Variants in ADGRL2 observed in about 807,000 individuals in gnomAD.
ADGRL2 encodes the protein calcium-independent alpha-latrotoxin receptor 2.
Under a neutral mutation model 157.4 loss-of-function variants are expected in ADGRL2, and 44 were observed. That is an observed-to-expected ratio of 0.28 (90% confidence interval 0.22 to 0.36). ADGRL2 has a LOEUF of 0.36. Ranked by LOEUF, ADGRL2 falls within the 10% of genes least tolerant of loss-of-function variation. ADGRL2 has a pLI of 1.00. For missense variants in ADGRL2, 1,510 were observed against 1,768.9 expected (o/e 0.85, Z 2.63); for synonymous variants, 585 against 624.7 (o/e 0.94, Z 0.95).
At chr1:81,740,101 A>G (rs1557610186) in intron 1 of ADGRL2, among the ~76,000 whole-genome samples, 2 of 152,202 alleles carry the variant, frequency 1.3e-5, no homozygotes, top group Non-Finnish European at 2.9e-5. Context: ...GGCTGAACTC[A>G]CTTGTTAGCC....
At chr1:81,866,340 C>T (rs2093542997) in intron 2 of ADGRL2, among the ~76,000 whole-genome samples, 1 of 152,040 alleles carries the variant, frequency 6.6e-6, no homozygotes, top group South Asian at 2.1e-4. Flanking sequence ...AGTCTTAGTA[C>T]CTGTAAATAC....
chr1:81,490,549 G>A (rs1237604542), intron 2 of ADGRL2, among the ~76,000 whole-genome samples: 1 of 152,180 alleles, frequency 6.6e-6, no homozygotes, highest in East Asian at 1.9e-4. Context: ...GCTTATGACA[G>A]TATTCTCAAC....
intron 1 of ADGRL2, chr1:81,721,607 A>C (rs1361569544): frequency 3.5e-6 from 2 of 576,070 alleles, no homozygotes; most frequent in East Asian, 6.1e-5. Flanking sequence ...AAAATACAAA[A>C]ATTGCTTCTG....
intron 3 of ADGRL2, among the ~76,000 whole-genome samples, chr1:81,586,670 G>A (rs1174602328): frequency 6.6e-6 from 1 of 152,040 alleles, no homozygotes; most frequent in Admixed American, 6.6e-5. Context: ...TTGTATGTAA[G>A]TCTAGATGAG....
At chr1:81,402,863 G>A (rs1329091980) in intron 1 of ADGRL2, among the ~76,000 whole-genome samples, 1 of 152,122 alleles carries the variant, frequency 6.6e-6, no homozygotes. Context: ...GAGTTTTGTT[G>A]ATTAATAAGG....
chr1:81,451,343 G>C (rs556724703), intron 2 of ADGRL2, among the ~76,000 whole-genome samples: 4 of 152,264 alleles, frequency 2.6e-5, no homozygotes, highest in South Asian at 4.1e-4. Context: ...TCAACAGTTA[G>C]ATTGCATTTT....
At chr1:81,457,889 T>C (rs1228058070) in intron 2 of ADGRL2, among the ~76,000 whole-genome samples, 1 of 152,194 alleles carries the variant, frequency 6.6e-6, no homozygotes, top group Non-Finnish European at 1.5e-5. Context: ...ACATGTGTGC[T>C]TCAATTTGCC....
chr1:81,384,631 C>G lies in ADGRL2; in HGVS notation c.-301-60405C>G, dbSNP rs79852029. ...AAATCAGAATGTACTATTTCAGCCA[C>G]TATCACGATAATTTTATACATCATG... is the stretch of plus-strand genomic sequence containing the variant. On this transcript the variant is annotated intron_variant, in intron 1 of 24. Transcript: ENST00000370721. 3.9e-3 allele frequency among the ~76,000 whole-genome samples: 594 copies of G among 152,246 alleles called. 5 individuals carry two copies. The highest frequency in any genetic ancestry group is 0.013 in the African/African-American group (540 of 41,546).
chr1:81,544,095 C>T (rs574033829), intron 2 of ADGRL2, among the ~76,000 whole-genome samples: 1 of 152,074 alleles, frequency 6.6e-6, no homozygotes, highest in East Asian at 1.9e-4. Context: ...ATCTGGCAAC[C>T]CTGATTCCCT....
chr1:81,950,188 G>T lies in ADGRL2; in HGVS notation c.1211-1G>T. 1 of 1,612,288 alleles carries T rather than the reference G, an allele frequency of 6.2e-7. No homozygotes were observed. Among genetic ancestry groups the T allele is most frequent in the Non-Finnish European group, 8.5e-7 (1 of 1,179,066 alleles). The stretch of plus-strand genomic sequence containing the variant: ...TTAATATACTCATCTTTTTTCCATA[G>T]TGCCTACCACAGCTGTGACAATAAC... On this transcript the variant is annotated splice_acceptor_variant, in intron 6 of 23. Transcript: ENST00000686636. LOFTEE classifies it high-confidence loss of function.
At chr1:81,805,037 C>T (rs1318824959) in intron 1 of ADGRL2, among the ~76,000 whole-genome samples, 1 of 152,006 alleles carries the variant, frequency 6.6e-6, no homozygotes, top group Non-Finnish European at 1.5e-5. Context: ...TTTGTGAATT[C>T]TATTTAAATA....
chr1:81,633,459 G>A (rs1226390610), intron 3 of ADGRL2, among the ~76,000 whole-genome samples: 1 of 151,690 alleles, frequency 6.6e-6, no homozygotes, highest in East Asian at 1.9e-4. Context: ...AGCCAGGCAT[G>A]GTGGCACACA....
chr1:81,336,553 T>A (rs1367727799), intron 1 of ADGRL2, among the ~76,000 whole-genome samples: 2 of 152,118 alleles, frequency 1.3e-5, no homozygotes, highest in Non-Finnish European at 2.9e-5. Context: ...GGATCGCCAA[T>A]GTGAAGTGCA....
intron 1 of ADGRL2, among the ~76,000 whole-genome samples, chr1:81,710,163 T>C (rs2083876157): frequency 6.6e-6 from 1 of 152,198 alleles, no homozygotes; most frequent in African/African-American, 2.4e-5. Flanking sequence ...TTATAGGCAA[T>C]ATTCACTTAC....
intron 2 of ADGRL2, among the ~76,000 whole-genome samples, chr1:81,844,236 A>G (rs1463408391): frequency 6.6e-6 from 1 of 152,174 alleles, no homozygotes; most frequent in East Asian, 1.9e-4. Context: ...AGTTATTTTT[A>G]TAGTTTGAAA....
intron 1 of ADGRL2, among the ~76,000 whole-genome samples, chr1:81,407,334 C>G (rs1238385513): frequency 6.6e-6 from 1 of 152,192 alleles, no homozygotes; most frequent in African/African-American, 2.4e-5. Flanking sequence ...CCCTTCACCC[C>G]CTCCCGCAAA....
At chr1:81,436,552 C>CA (rs1324716098) in intron 1 of ADGRL2, among the ~76,000 whole-genome samples, 1 of 152,156 alleles carries the variant, frequency 6.6e-6, no homozygotes, top group African/African-American at 2.4e-5. Context: ...CCCAAGTAAA[C>CA]AAGCCTAGTC....
intron 1 of ADGRL2, among the ~76,000 whole-genome samples, chr1:81,314,228 C>T (rs369322194): frequency 7.9e-5 from 12 of 152,124 alleles, no homozygotes; most frequent in African/African-American, 2.9e-4. Context: ...TATATAAACC[C>T]ATATACATGT....
At chr1:81,832,599 A>G (rs1210509574) in intron 1 of ADGRL2, among the ~76,000 whole-genome samples, 1 of 152,254 alleles carries the variant, frequency 6.6e-6, no homozygotes, top group African/African-American at 2.4e-5. Flanking sequence ...GGACTTCTGT[A>G]TAAATAGTTT....
Sources: gnomAD v4.1 joint callset for allele counts (sites outside exome capture counted in the v4.1 genomes callset) on GRCh38, gnomAD v4.1.1 for gene constraint, MANE v1.5 for transcripts, NCBI Gene and HGNC (gene_info 2026-07-23, HGNC 2026-07-21) for gene names.